Variants in GRID2 observed in about 807,000 individuals in gnomAD.
The protein encoded by GRID2 is glutamate receptor ionotropic, delta-2.
In GRID2, 33 loss-of-function variants were observed where a neutral mutation model predicts 114.8. The observed-to-expected ratio is 0.29, with a 90% CI of 0.22 to 0.38. The LOEUF (loss-of-function observed/expected upper bound fraction) is 0.38. Ranked by LOEUF, GRID2 falls within the 10% of genes least tolerant of loss-of-function variation. The pLI, the probability that GRID2 is intolerant of heterozygous loss-of-function variation, is 1.00. For missense variants in GRID2, 1,184 were observed against 1,257.7 expected, an observed-to-expected ratio of 0.94 and a Z score of 0.89; for synonymous variants, 505 against 449.9, an observed-to-expected ratio of 1.12 and a Z score of -1.55.
intron 2 of GRID2, among the ~76,000 whole-genome samples, chr4:92,687,637 G>C (rs2149289890): frequency 6.6e-6 from 1 of 152,180 alleles, no homozygotes; most frequent in East Asian, 1.9e-4. Context: ...AGACCATCCT[G>C]GCTAACACGG....
chr4:92,803,229 A>G (rs1264297207), intron 2 of GRID2, among the ~76,000 whole-genome samples: 2 of 151,900 alleles, frequency 1.3e-5, no homozygotes, highest in Non-Finnish European at 2.9e-5. Flanking sequence ...TTCTATTTCC[A>G]TTTTCACAGT....
intron 8 of GRID2, among the ~76,000 whole-genome samples, chr4:93,282,030 T>C (rs1041296883): frequency 2.0e-5 from 3 of 152,062 alleles, no homozygotes; most frequent in Non-Finnish European, 4.4e-5. Context: ...TTTCATTCTA[T>C]TGCTCATTAG....
At chr4:93,801,131 A>G (rs994201677) in intron 1 of GRID2, among the ~76,000 whole-genome samples, 1 of 152,136 alleles carries the variant, frequency 6.6e-6, no homozygotes, top group Non-Finnish European at 1.5e-5. Context: ...CATGAGAGTG[A>G]ACTCAATTGT....
At chr4:93,360,405 C>T (rs1761780478) in intron 8 of GRID2, among the ~76,000 whole-genome samples, 2 of 151,724 alleles carry the variant, frequency 1.3e-5, no homozygotes, top group Admixed American at 1.3e-4. Flanking sequence ...TTTTTAATTA[C>T]TTGAATATTT....
At chr4:93,163,351 T>TG (rs1208847332) in intron 4 of GRID2, among the ~76,000 whole-genome samples, 28 of 56,396 alleles carry the variant, frequency 5.0e-4, no homozygotes, top group African/African-American at 2.4e-3. Context: ...TGATTTTTTT[T>TG]TTGTGTATAT....
At chr4:93,113,654 C>T (rs1448850502) in intron 4 of GRID2, among the ~76,000 whole-genome samples, 1 of 152,154 alleles carries the variant, frequency 6.6e-6, no homozygotes, top group Admixed American at 6.6e-5. Context: ...AGAGTATCAG[C>T]ATTACAAGAT....
intron 2 of GRID2, among the ~76,000 whole-genome samples, chr4:92,841,605 A>T (rs563244703): frequency 2.0e-5 from 3 of 151,976 alleles, no homozygotes; most frequent in Non-Finnish European, 4.4e-5. Context: ...TTTCCTACAA[A>T]CAGGTGCAGC....
intron 2 of GRID2, among the ~76,000 whole-genome samples, chr4:92,936,272 G>A (rs74604011): frequency 1.4e-5 from 2 of 145,676 alleles, no homozygotes; most frequent in Non-Finnish European, 3.0e-5. Flanking sequence ...AGCTAAATAG[G>A]CTTTGTTTCC....
intron 2 of GRID2, among the ~76,000 whole-genome samples, chr4:92,979,057 T>C (rs1333875181): frequency 6.6e-6 from 1 of 151,842 alleles, no homozygotes; most frequent in East Asian, 1.9e-4. Flanking sequence ...AAAAATAAAT[T>C]ATACTCGTGC....
intron 2 of GRID2, among the ~76,000 whole-genome samples, chr4:92,675,221 G>T (rs1168681391): frequency 6.6e-6 from 1 of 152,092 alleles, no homozygotes; most frequent in Non-Finnish European, 1.5e-5. Context: ...ATTCATCAAA[G>T]ATTCCTGACT....
intron 2 of GRID2, among the ~76,000 whole-genome samples, chr4:92,897,824 G>C (rs921176953): frequency 1.8e-4 from 28 of 152,026 alleles, no homozygotes; most frequent in Non-Finnish European, 2.9e-5. Context: ...TGGAAAACTG[G>C]GAAAAAGGCC....
chr4:93,661,142 C>T (rs568450862), intron 14 of GRID2, among the ~76,000 whole-genome samples: 23 of 152,252 alleles, frequency 1.5e-4, no homozygotes, highest in Admixed American at 7.2e-4. Flanking sequence ...TCATTATTCA[C>T]GATTCTGCAT....
intron 14 of GRID2, among the ~76,000 whole-genome samples, chr4:93,735,078 T>C (rs1350606511): frequency 1.3e-5 from 2 of 152,014 alleles, no homozygotes; most frequent in Non-Finnish European, 2.9e-5. Flanking sequence ...CCAAGATGCA[T>C]CGTCAAATTG....
chr4:93,140,193 C>G (rs1422784641), intron 4 of GRID2, among the ~76,000 whole-genome samples: 1 of 142,770 alleles, frequency 7.0e-6, no homozygotes. Context: ...GAGTCTCACT[C>G]TGTCACCCAG....
intron 9 of GRID2, among the ~76,000 whole-genome samples, chr4:93,410,585 A>ATTTG (rs796786519): frequency 4.0e-5 from 6 of 151,838 alleles, no homozygotes; most frequent in African/African-American, 1.4e-4. Context: ...TCCTTTGTTT[A>ATTTG]TTTGTTTGTT....
chr4:93,178,892 G>T (rs1024762390), intron 4 of GRID2, among the ~76,000 whole-genome samples: 1 of 152,010 alleles, frequency 6.6e-6, no homozygotes, highest in Non-Finnish European at 1.5e-5. Context: ...AGTTTGTGAG[G>T]GTAGCCCAAA....
intron 3 of GRID2, 139 bp downstream of exon 3, chr4:93,085,418 T>A (rs1730241284): frequency 1.5e-6 from 1 of 683,802 alleles, no homozygotes; most frequent in African/African-American, 1.8e-5. Flanking sequence ...CTTATAAACA[T>A]AGCAACAACT....
chr4:93,507,700 C>A (rs1728761066), intron 12 of GRID2, among the ~76,000 whole-genome samples: 1 of 152,148 alleles, frequency 6.6e-6, no homozygotes. Flanking sequence ...AGATAAGTAA[C>A]TTTTTCAAGA....
chr4:92,936,962 G>C (rs1331156923), intron 2 of GRID2, among the ~76,000 whole-genome samples: 1 of 146,338 alleles, frequency 6.8e-6, no homozygotes, highest in Non-Finnish European at 1.5e-5. Context: ...TCATGTGCTT[G>C]TAAATAATTT....
Sources: allele counts gnomAD v4.1 joint callset (sites outside exome capture counted in the v4.1 genomes callset), GRCh38; gene constraint gnomAD v4.1.1; transcripts MANE v1.5; gene names NCBI Gene and HGNC (gene_info 2026-07-23, HGNC 2026-07-21).